Variants in ZNF441 observed in about 807,000 individuals in gnomAD.
ZNF441 encodes zinc finger protein 441.
ZNF441 carries 25 observed loss-of-function variants against 64.5 expected under a neutral mutation model. That is an observed-to-expected ratio of 0.39 (90% CI 0.28 to 0.54). The LOEUF is 0.54. Among genes scored for constraint, ZNF441 ranks in the 20% least tolerant of loss-of-function variants. The pLI, the probability that ZNF441 is intolerant of heterozygous loss-of-function variation, is 0.70. For missense variants in ZNF441, 715 were observed against 843.3 expected, an observed-to-expected ratio of 0.85 and a Z score of 1.88; for synonymous variants, 262 against 268.0, an observed-to-expected ratio of 0.98 and a Z score of 0.22.
Position 11,780,002 on chromosome 19 carries a change from C to T in ZNF441, c.195-17C>T, listed in dbSNP as rs1050100721. 11 of 1,561,972 alleles carry T rather than the reference C, an allele frequency of 7.0e-6. No individual in the cohort carries two copies. Among genetic ancestry groups the T allele is most frequent in the East Asian group, 2.3e-5 (1 of 44,358 alleles). ...TTATAAACAAACCTTTACTAATGTA[C>T]TTCTTATTTTTTACAGATGTCATAT... On this transcript the variant is annotated splice_polypyrimidine_tract_variant and intron_variant, in intron 3 of 3. Transcript: ENST00000357901.
Position 11,783,932 on chromosome 19 carries a change from G to A in ZNF441, c.*2026G>A, listed in dbSNP as rs1476768321. 2.6e-5 allele frequency: 4 copies of A among 152,182 alleles called. No homozygotes were observed. The highest frequency in any genetic ancestry group is 5.9e-5 in the Non-Finnish European group (4 of 68,026). 9.4% of individuals were successfully genotyped at this position (152,182 alleles called of 1,614,324 possible). ...CTTGAAATGTTACCAACACATAGAA[G>A]TGGTAAATACTCAAGATCATGGATA... On this transcript the variant is annotated 3_prime_UTR_variant, in exon 4 of 4. Coordinates refer to ENST00000357901, the MANE Select transcript of ZNF441 (RefSeq NM_152355.3).
chr19:11,780,503 G>C lies in ZNF441; in HGVS notation c.679G>C (p.Glu227Gln). 3 of 1,614,062 alleles carry C rather than the reference G, an allele frequency of 1.9e-6. No homozygotes were observed. The highest frequency in any genetic ancestry group is 2.5e-6 in the Non-Finnish European group (3 of 1,180,010). ...THTEEKPYEY[E>Q]QCSTAFPAYS... ...CACTGAAGAGAAACCATATGAATATGAGCAGTGTTCTACAGCGTTTCCTGC... is the reference window on the plus strand; with the variant it reads ...CACTGAAGAGAAACCATATGAATATCAGCAGTGTTCTACAGCGTTTCCTGC... The change falls in exon 4 of 4, where the codon GAG becomes CAG. Residue 227 changes from glutamate (E) to glutamine (Q), a missense_variant. Around this residue, in one of 2 missense-constraint regions of ZNF441, gnomAD observed 399 missense variants for 413.9 expected, o/e 0.96. Transcript: ENST00000357901.
chr19:11,772,065 A>C (rs1335731762), intron 1 of ZNF441, among the ~76,000 whole-genome samples: 1 of 152,188 alleles, frequency 6.6e-6, no homozygotes, highest in Non-Finnish European at 1.5e-5. Flanking sequence ...TGCAGAAATA[A>C]TGGCGTAAGC....
chr19:11,774,724 T>C (rs1271264295), intron 1 of ZNF441, among the ~76,000 whole-genome samples: 1 of 152,244 alleles, frequency 6.6e-6, no homozygotes, highest in Non-Finnish European at 1.5e-5. Flanking sequence ...AGACAGTTGC[T>C]TTAAAGTTTT....
rs775115752 is a variant in ZNF441, at chr19:11,783,916, T to C, written c.*2010T>C. On this transcript the variant is annotated 3_prime_UTR_variant, in exon 4 of 4. Transcript: ENST00000357901. ...TAGTTGGAAGAGAGGACTTGAAATGTTACCAACACATAGAAGTGGTAAATA... is the reference window on the plus strand; with the variant it reads ...TAGTTGGAAGAGAGGACTTGAAATGCTACCAACACATAGAAGTGGTAAATA... 2 of 152,198 alleles carry C rather than the reference T, an allele frequency of 1.3e-5. No homozygotes were observed. Among genetic ancestry groups the C allele is most frequent in the Non-Finnish European group, 1.5e-5 (1 of 68,034 alleles). The allele number at this position is 152,198 out of a possible 1,614,324, so 9.4% of individuals were successfully genotyped here. A position where few individuals can be genotyped will look rare whatever the true frequency, so the allele number is the denominator to read the frequency against.
chr19:11,773,889 T>A (rs565852056), intron 1 of ZNF441, among the ~76,000 whole-genome samples: 19 of 152,314 alleles, frequency 1.2e-4, no homozygotes, highest in African/African-American at 4.6e-4. Context: ...CTGCCTTTTT[T>A]ACTGTTGAAT....
rs750133824 is a variant in ZNF441, at chr19:11,780,719, A to G, written c.895A>G (p.Met299Val). The change falls in exon 4 of 4, where the codon ATG becomes GTG. Residue 299 changes from methionine (M) to valine (V), a missense_variant. By Grantham distance (21) the Met-to-Val change is conservative. Coordinates refer to ENST00000357901, the MANE Select transcript of ZNF441 (RefSeq NM_152355.3). ...FYHLGSFQRH[M>V]IVHTGDGPHK... ...TCATCTTGGAAGCTTTCAAAGACAC[A>G]TGATAGTGCACACTGGAGATGGGCC... is the stretch of plus-strand genomic sequence containing the variant. 50 of 1,614,082 alleles carry G rather than the reference A, an allele frequency of 3.1e-5. No individual in the cohort carries two copies. The highest frequency in any genetic ancestry group is 4.0e-5 in the Non-Finnish European group (47 of 1,180,038).
intron 1 of ZNF441, among the ~76,000 whole-genome samples, chr19:11,768,921 A>C (rs1237716750): frequency 6.6e-6 from 1 of 152,196 alleles, no homozygotes; most frequent in Admixed American, 6.5e-5. Context: ...AACTCCACTG[A>C]GGTGGTGCAA....
Position 11,777,648 on chromosome 19 carries a change from C to T in ZNF441, c.41C>T (p.Thr14Ile), listed in dbSNP as rs780763927. Residue 14 changes from threonine (T) to isoleucine (I), a missense_variant, in exon 2 of 4, where the codon ACC (threonine) becomes ATC (isoleucine). Physicochemically the swap from Thr to Ile is moderately conservative, Grantham distance 89. Coordinates refer to ENST00000357901, the MANE Select transcript of ZNF441 (RefSeq NM_152355.3). ...VAFEDVAINF[T>I]CEEWALLGPS... The stretch of plus-strand genomic sequence containing the variant: ...TTTGAGGATGTGGCTATAAACTTCA[C>T]CTGTGAGGAGTGGGCTTTGCTGGGT... The T allele has an allele frequency of 6.2e-7, 1 of 1,613,560 alleles. No individual in the cohort carries two copies. Among genetic ancestry groups the T allele is most frequent in the Non-Finnish European group, 8.5e-7 (1 of 1,179,680 alleles).
intron 1 of ZNF441, among the ~76,000 whole-genome samples, chr19:11,774,418 A>G (rs1298287197): frequency 6.6e-6 from 1 of 152,316 alleles, no homozygotes; most frequent in Admixed American, 6.5e-5. Flanking sequence ...TAACATTACT[A>G]GCAAGACAGT....
intron 1 of ZNF441, 124 bp from the exon 2 acceptor site, chr19:11,777,487 G>T (rs1599270235): frequency 6.6e-6 from 7 of 1,058,530 alleles, no homozygotes; most frequent in Non-Finnish European, 9.5e-6. Flanking sequence ...AATAAGAGTG[G>T]GTTTACCATG....
chr19:11,772,380 T>C (rs1176184158), intron 1 of ZNF441, among the ~76,000 whole-genome samples: 1 of 152,180 alleles, frequency 6.6e-6, no homozygotes, highest in Non-Finnish European at 1.5e-5. Context: ...TCACCGACCC[T>C]GTGGGGCTGG....
Position 11,780,320 on chromosome 19 carries a change from A to G in ZNF441, c.496A>G (p.Lys166Glu), listed in dbSNP as rs577062786. The change falls in exon 4 of 4, where the codon AAG (lysine) becomes GAG (glutamate). Residue 166 changes from lysine (K) to glutamate (E), a missense_variant. Physicochemically the swap from Lys to Glu is moderately conservative, Grantham distance 56. Transcript: ENST00000357901. ...AATACATGAAAGACCTCAGCATGGA[A>G]AGAAACTCTATGATTGTAAGGAATG... Reference protein sequence around the residue: ...FQIHERPQHGKKLYDCKECAS... With the variant: ...FQIHERPQHGEKLYDCKECAS... 3 of 1,614,226 alleles carry G rather than the reference A, an allele frequency of 1.9e-6. No homozygotes were observed. In the South Asian group the frequency reaches 3.3e-5, roughly 18 times the overall value.
rs762786483 is a variant in ZNF441, at chr19:11,781,141, A to G, written c.1317A>G (p.Arg439=). 6.2e-7 allele frequency: 1 copy of G among 1,614,086 alleles called. No homozygotes were observed. The highest frequency in any genetic ancestry group is 1.3e-5 in the African/African-American group (1 of 75,040). ...GCACTTACCTTCAAATACATGAAAG[A>G]ATTCACACTGGGGAGAGACCCTATA... is the stretch of plus-strand genomic sequence containing the variant. ...ICCTYLQIHE[R]IHTGERPYKC... Residue 439 remains arginine (R), a synonymous_variant, in exon 4 of 4, where the codon AGA becomes AGG. Coordinates refer to ENST00000357901, the MANE Select transcript of ZNF441 (RefSeq NM_152355.3).
At chr19:11,775,584 C>G (rs1173811136) in intron 1 of ZNF441, among the ~76,000 whole-genome samples, 1 of 150,488 alleles carries the variant, frequency 6.6e-6, no homozygotes, top group African/African-American at 2.5e-5. Flanking sequence ...CCACCTCGGC[C>G]TCCCAAAGTG....
intron 1 of ZNF441, among the ~76,000 whole-genome samples, chr19:11,772,350 C>T (rs1421136252): frequency 6.6e-6 from 1 of 152,190 alleles, no homozygotes; most frequent in African/African-American, 2.4e-5. Flanking sequence ...GCTCTCTCGT[C>T]ACCGCACATG....
At chr19:11,773,034 G>A (rs1227512926) in intron 1 of ZNF441, among the ~76,000 whole-genome samples, 4 of 152,036 alleles carry the variant, frequency 2.6e-5, no homozygotes, top group Non-Finnish European at 5.9e-5. Context: ...CTCGTGATTC[G>A]CCCGCCTCGG....
chr19:11,772,403 G>A (rs1186354353), intron 1 of ZNF441, among the ~76,000 whole-genome samples: 1 of 152,148 alleles, frequency 6.6e-6, no homozygotes, highest in African/African-American at 2.4e-5. Context: ...CCTACACCAG[G>A]CCAGGCTGGG....
chr19:11,780,970 T>C lies in ZNF441; in HGVS notation c.1146T>C (p.His382=). The C allele has an allele frequency of 6.2e-7, 1 of 1,613,566 alleles. No homozygotes were observed. Among genetic ancestry groups the C allele is most frequent in the Non-Finnish European group, 8.5e-7 (1 of 1,179,914 alleles). ...ATTCTCCCAGTTTATGTCGAAGGCATGAAACAACTCATACTGGGGAGAAAC... is the reference window on the plus strand; with the variant it reads ...ATTCTCCCAGTTTATGTCGAAGGCACGAAACAACTCATACTGGGGAGAAAC... ...AFDSPSLCRR[H]ETTHTGEKPY... Residue 382 remains histidine (H), a synonymous_variant, in exon 4 of 4, where the codon CAT becomes CAC. Transcript: ENST00000357901.
Sources: allele counts gnomAD v4.1 joint callset (sites outside exome capture counted in the v4.1 genomes callset), GRCh38; gene constraint gnomAD v4.1.1; regional missense constraint gnomAD v4.1.1; transcripts MANE v1.5; gene names NCBI Gene and HGNC (gene_info 2026-07-23, HGNC 2026-07-21).